PCCA: variants seen among roughly 807,000 people sequenced by gnomAD.
PCCA encodes propionyl-CoA carboxylase subunit alpha.
A neutral mutation model predicts 101.3 loss-of-function variants in PCCA; 74 were observed. That is an observed-to-expected ratio of 0.73 (90% CI 0.61 to 0.89). The LOEUF (loss-of-function observed/expected upper bound fraction) is 0.89. Among genes scored for constraint, PCCA ranks in the 40% least tolerant of loss-of-function variants. The pLI is 0.00. For missense variants in PCCA, 891 were observed against 907.0 expected, an observed-to-expected ratio of 0.98 and a Z score of 0.23; for synonymous variants, 294 against 313.6, an observed-to-expected ratio of 0.94 and a Z score of 0.66.
At chr13:100,447,695 G>A (rs547882233) in intron 20 of PCCA, among the ~76,000 whole-genome samples, 1 of 151,864 alleles carries the variant, frequency 6.6e-6, no homozygotes, top group Non-Finnish European at 1.5e-5. Flanking sequence ...AGAAAGAAGT[G>A]ACATGGGTCA....
At chr13:100,443,224 G>A (rs2152919355) in intron 20 of PCCA, among the ~76,000 whole-genome samples, 1 of 152,124 alleles carries the variant, frequency 6.6e-6, no homozygotes, top group East Asian at 1.9e-4. Context: ...TAAATAGTTG[G>A]GGGAAAAAAT....
chr13:100,450,420 A>C (rs2081142395), intron 21 of PCCA, among the ~76,000 whole-genome samples: 1 of 151,998 alleles, frequency 6.6e-6, no homozygotes, highest in African/African-American at 2.4e-5. Flanking sequence ...CCTTATTTTA[A>C]TTTTCATTTT....
intron 19 of PCCA, among the ~76,000 whole-genome samples, chr13:100,416,332 C>T (rs1372122333): frequency 1.3e-5 from 2 of 151,782 alleles, no homozygotes; most frequent in Non-Finnish European, 2.9e-5. Context: ...CAGGTGCCCA[C>T]GACCATGCCC....
chr13:100,309,927 A>G lies in PCCA; in HGVS notation c.1429+19A>G, dbSNP rs2066774202. ...ATTCGAGGTAAAAACAAAGATTTGC[A>G]CTCGTTGGTTATTGTATATGGTGTC... On this transcript the variant is annotated intron_variant, in intron 16 of 23. Coordinates refer to ENST00000376285, the MANE Select transcript of PCCA (RefSeq NM_000282.4). 1.9e-6 allele frequency: 3 copies of G among 1,577,468 alleles called. No homozygotes were observed. In the East Asian group the frequency reaches 6.7e-5, roughly 35 times the overall value.
intron 2 of PCCA, among the ~76,000 whole-genome samples, chr13:100,111,558 T>G (rs566590871): frequency 6.6e-6 from 1 of 152,346 alleles, no homozygotes; most frequent in South Asian, 2.1e-4. Flanking sequence ...TAACCTACTA[T>G]GCTTTAACAA....
intron 19 of PCCA, among the ~76,000 whole-genome samples, chr13:100,386,572 G>A (rs1232103200): frequency 6.6e-6 from 1 of 152,292 alleles, no homozygotes; most frequent in South Asian, 2.1e-4. Flanking sequence ...TAGTACAGAC[G>A]TGGTTTCACT....
At chr13:100,233,785 A>C (rs947721578) in intron 7 of PCCA, among the ~76,000 whole-genome samples, 1 of 152,180 alleles carries the variant, frequency 6.6e-6, no homozygotes, top group African/African-American at 2.4e-5. Flanking sequence ...TCTAATTTTC[A>C]TAGTAAGAAG....
intron 21 of PCCA, among the ~76,000 whole-genome samples, chr13:100,458,796 C>T (rs1311843194): frequency 2.6e-5 from 4 of 152,126 alleles, no homozygotes; most frequent in African/African-American, 4.8e-5. Flanking sequence ...TACAAGTACT[C>T]AGGACACCAC....
chr13:100,252,849 G>C (rs2061843476), intron 8 of PCCA, among the ~76,000 whole-genome samples: 2 of 152,128 alleles, frequency 1.3e-5, no homozygotes, highest in African/African-American at 4.8e-5. Context: ...TCAGCTCCTT[G>C]TTTCTACCTT....
intron 18 of PCCA, among the ~76,000 whole-genome samples, chr13:100,363,669 T>G (rs2074874198): frequency 6.6e-6 from 1 of 152,190 alleles, no homozygotes; most frequent in South Asian, 2.1e-4. Context: ...TTCTTAATGA[T>G]TCCTTGACCA....
At chr13:100,239,892 C>T (rs1414451090) in intron 8 of PCCA, among the ~76,000 whole-genome samples, 1 of 152,032 alleles carries the variant, frequency 6.6e-6, no homozygotes, top group Non-Finnish European at 1.5e-5. Context: ...CCAGAATTTC[C>T]AAATCTCAAT....
At chr13:100,316,367 A>G (rs1305705085) in intron 16 of PCCA, among the ~76,000 whole-genome samples, 15 of 152,226 alleles carry the variant, frequency 9.9e-5, no homozygotes, top group Admixed American at 9.2e-4. Context: ...TTAAAATTCC[A>G]TGCTTCATTT....
chr13:100,264,028 C>T (rs928658508), intron 10 of PCCA, among the ~76,000 whole-genome samples: 7 of 143,604 alleles, frequency 4.9e-5, no homozygotes, highest in African/African-American at 1.3e-4. Flanking sequence ...ATCTGTATAT[C>T]GTATATATAC....
chr13:100,303,049 G>A (rs147558616), intron 14 of PCCA, 51 bp downstream of exon 14: 2 of 1,006,160 alleles, frequency 2.0e-6, no homozygotes, highest in Admixed American at 1.7e-5. Context: ...CGTGATTTAT[G>A]TCATACTTTT....
chr13:100,385,096 T>C (rs542573708), intron 19 of PCCA, among the ~76,000 whole-genome samples: 8 of 152,296 alleles, frequency 5.3e-5, no homozygotes, highest in South Asian at 2.1e-4. Context: ...TTAAAAAGTA[T>C]ACTGAACAAA....
intron 2 of PCCA, among the ~76,000 whole-genome samples, chr13:100,105,373 A>T (rs538472326): frequency 6.6e-6 from 1 of 152,300 alleles, no homozygotes; most frequent in African/African-American, 2.4e-5. Flanking sequence ...TTGCATTCCA[A>T]TCTCGAAGTA....
chr13:100,154,504 G>A, intron 4 of PCCA: 1 of 159,724 alleles, frequency 6.3e-6, no homozygotes, highest in South Asian at 1.8e-4. Context: ...GCTTTAATTT[G>A]TGCCTGGTGC....
chr13:100,152,923 G>A (rs542696964), intron 4 of PCCA, among the ~76,000 whole-genome samples: 1 of 152,236 alleles, frequency 6.6e-6, no homozygotes, highest in Non-Finnish European at 1.5e-5. Flanking sequence ...ACTTTTGAAT[G>A]CATGTTCATT....
intron 8 of PCCA, among the ~76,000 whole-genome samples, chr13:100,245,883 T>A (rs1031580770): frequency 7.2e-5 from 11 of 152,168 alleles, no homozygotes; most frequent in Admixed American, 2.0e-4. Context: ...TCTGGAAGCT[T>A]ATTGGGGGAA....
Sources: gnomAD v4.1 joint callset for allele counts (sites outside exome capture counted in the v4.1 genomes callset) on GRCh38, gnomAD v4.1.1 for gene constraint, MANE v1.5 for transcripts, NCBI Gene and HGNC (gene_info 2026-07-23, HGNC 2026-07-21) for gene names.